Variants in CENPC observed in about 807,000 individuals in gnomAD.
The protein encoded by CENPC is CENP-C 1.
In CENPC, 63 loss-of-function variants were observed where a neutral mutation model predicts 112.1. That is an observed-to-expected ratio of 0.56 (90% CI 0.46 to 0.69). The LOEUF (loss-of-function observed/expected upper bound fraction) is 0.69, where lower values mean the gene tolerates loss of function less well. CENPC is among the 30% of genes least tolerant of loss of function. The pLI, the probability that CENPC is intolerant of heterozygous loss-of-function variation, is 0.00. For missense variants in CENPC, 1,000 were observed against 1,103.8 expected (o/e 0.91, Z 1.33); for synonymous variants, 333 against 367.6 (o/e 0.91, Z 1.08).
At position 67,508,820 on chromosome 4, in the gene CENPC, C is replaced by A. The variant is rs200998915; in HGVS notation, c.1898G>T (p.Cys633Phe). The A allele has an allele frequency of 1.2e-6, 2 of 1,612,670 alleles. No individual in the cohort carries two copies. Among genetic ancestry groups the A allele is most frequent in the Non-Finnish European group, 8.5e-7 (1 of 1,179,260 alleles). The change falls in exon 10 of 19, where the codon TGT becomes TTT. Residue 633 changes from cysteine to phenylalanine, a missense_variant. Physicochemically the swap from Cys to Phe is radical, Grantham distance 205 (BLOSUM62 -2). Transcript: ENST00000273853. ...ADLAKKKNLDCSRSTRSSKNE... is the reference protein window; with the variant it reads ...ADLAKKKNLDFSRSTRSSKNE... ...TACACATAACAGACATTACCTAGAA[C>A]AATCAAGATTTTTCTTCTTAGCCAA...
Position 67,509,038 on chromosome 4 carries a change from A to C in CENPC, c.1680T>G (p.Ser560=). ...TAGATGACTGATTTGTTTTCTTAGT[A>C]GATTTTCGGCTACTATTGTGATGCA... ...LPMHHNSSRK[S]TKKTNQSSKN... is the part of the protein sequence containing the mutation. The change falls in exon 10 of 19, where the codon TCT becomes TCG. Residue 560 remains serine, a synonymous_variant. Coordinates refer to ENST00000273853, the MANE Select transcript of CENPC (RefSeq NM_001812.4). 6.2e-7 allele frequency: 1 copy of C among 1,612,630 alleles called. No individual in the cohort carries two copies. The highest frequency in any genetic ancestry group is 8.5e-7 in the Non-Finnish European group (1 of 1,179,524).
rs1044117284 is a variant in CENPC at position 67,479,774 on chromosome 4, A to G, written c.2671-4796T>C. The stretch of plus-strand genomic sequence containing the variant: ...TTGATAGACCATTAGTGAGGTTAAC[A>G]AAGAAGACAGAAGATCCAAATAAAC... On this transcript the variant is annotated intron_variant, in intron 17 of 18. Coordinates refer to ENST00000273853, the MANE Select transcript of CENPC (RefSeq NM_001812.4). 5.9e-5 allele frequency among the ~76,000 whole-genome samples: 9 copies of G among 152,342 alleles called. No homozygotes were observed. The East Asian group carries it at 1.5e-3, about 26-fold the overall frequency.
At chr4:67,505,138 CAT>C in intron 12 of CENPC, 65 bp downstream of exon 12, 2 of 1,124,158 alleles carry the variant, frequency 1.8e-6, no homozygotes, top group Non-Finnish European at 2.6e-6. Context: ...GTAAACAAAA[CAT>C]AGCACTCCTT....
chr4:67,545,424 C>G lies in CENPC; in HGVS notation c.-69G>C. ...CCACACGGACCACAGCTCCAGGAAGCCGAGCAAGAAACGAATCGCCGGAAT... is the reference window on the plus strand; with the variant it reads ...CCACACGGACCACAGCTCCAGGAAGGCGAGCAAGAAACGAATCGCCGGAAT... On this transcript the variant is annotated 5_prime_UTR_variant, in exon 1 of 19. Transcript: ENST00000273853. 1 of 1,425,378 alleles carries G rather than the reference C, an allele frequency of 7.0e-7. No homozygotes were observed. Among genetic ancestry groups the G allele is most frequent in the Admixed American group, 2.7e-5 (1 of 36,818 alleles). 88.3% of individuals were successfully genotyped at this position (1,425,378 alleles called of 1,614,324 possible).
At chr4:67,518,499 A>C in intron 6 of CENPC, 131 bp from the exon 7 acceptor site, 1 of 1,011,182 alleles carries the variant, frequency 9.9e-7, no homozygotes, top group Non-Finnish European at 1.3e-6. Flanking sequence ...TTTAAGACAT[A>C]AATGCTGATT....
intron 17 of CENPC, among the ~76,000 whole-genome samples, chr4:67,478,927 A>G (rs181120686): frequency 2.0e-5 from 3 of 152,346 alleles, no homozygotes; most frequent in East Asian, 1.9e-4. Context: ...AGCTATTCTT[A>G]TATCAGACAA....
At chr4:67,502,533 C>G (rs1022226098) in intron 12 of CENPC, among the ~76,000 whole-genome samples, 3 of 152,116 alleles carry the variant, frequency 2.0e-5, no homozygotes, top group African/African-American at 7.2e-5. Context: ...CATATGAAGG[C>G]TTATGTGATC....
intron 17 of CENPC, among the ~76,000 whole-genome samples, chr4:67,487,744 C>T (rs6552102): frequency 0.22 from 33,082 of 150,786 alleles, 3,836 homozygotes; most frequent in South Asian, 0.27. Context: ...TTTTAATTTC[C>T]TTCTTGTCTC....
chr4:67,505,008 T>C, intron 12 of CENPC, 197 bp downstream of exon 12: 1 of 555,656 alleles, frequency 1.8e-6, no homozygotes, highest in Non-Finnish European at 3.2e-6. Flanking sequence ...TTCATTATGT[T>C]CTACTTAAAA....
chr4:67,492,774 T>C, intron 15 of CENPC, 95 bp downstream of exon 15: 1 of 1,384,408 alleles, frequency 7.2e-7, no homozygotes, highest in Non-Finnish European at 9.6e-7. Flanking sequence ...TCTGAAGTTT[T>C]TGGAAGTAAA....
At chr4:67,483,046 G>A (rs1007654476) in intron 17 of CENPC, among the ~76,000 whole-genome samples, 2 of 152,006 alleles carry the variant, frequency 1.3e-5, no homozygotes, top group Non-Finnish European at 2.9e-5. Flanking sequence ...TTTCCCCCTC[G>A]CTTGGCAATT....
chr4:67,481,011 G>A (rs368623047), intron 17 of CENPC, among the ~76,000 whole-genome samples: 13 of 152,136 alleles, frequency 8.5e-5, no homozygotes, highest in African/African-American at 2.7e-4. Flanking sequence ...AACTGTTGCT[G>A]TTTGCCAATG....
chr4:67,537,532 C>A (rs1336165178), intron 4 of CENPC, among the ~76,000 whole-genome samples: 1 of 152,058 alleles, frequency 6.6e-6, no homozygotes, highest in Non-Finnish European at 1.5e-5. Context: ...GTGGCTCACA[C>A]CTGTAATCCC....
Position 67,471,023 on chromosome 4 carries a change from A to G in CENPC, c.*1582T>C, listed in dbSNP as rs1231578500. The G allele has an allele frequency of 6.6e-6, 1 of 152,236 alleles. No homozygotes were observed. The highest frequency in any genetic ancestry group is 1.5e-5 in the Non-Finnish European group (1 of 68,074). 9.4% of individuals were successfully genotyped at this position (152,236 alleles called of 1,614,324 possible). ...AGACTCAAGAGAGCATGGCAAATGT[A>G]AAAACCAAGGGGAATTTGGGAACTG... On this transcript the variant is annotated 3_prime_UTR_variant, in exon 19 of 19. Transcript: ENST00000273853.
chr4:67,499,113 G>T (rs1725519750), intron 12 of CENPC, among the ~76,000 whole-genome samples: 1 of 152,142 alleles, frequency 6.6e-6, no homozygotes, highest in Non-Finnish European at 1.5e-5. Flanking sequence ...TGTCACCCAG[G>T]CTTTGTTGTT....
intron 5 of CENPC, among the ~76,000 whole-genome samples, chr4:67,521,959 A>G (rs1458474635): frequency 6.6e-6 from 1 of 152,204 alleles, no homozygotes; most frequent in African/African-American, 2.4e-5. Flanking sequence ...TTTAATGGGT[A>G]CAGTGTTTCA....
At chr4:67,479,350 A>C (rs1724893093) in intron 17 of CENPC, among the ~76,000 whole-genome samples, 1 of 152,198 alleles carries the variant, frequency 6.6e-6, no homozygotes. Flanking sequence ...AAATTTAAGA[A>C]AACCAAAATT....
At chr4:67,520,530 C>T (rs1726194075) in intron 5 of CENPC, among the ~76,000 whole-genome samples, 1 of 152,132 alleles carries the variant, frequency 6.6e-6, no homozygotes, top group Non-Finnish European at 1.5e-5. Flanking sequence ...TAAGGAAACC[C>T]AGGACCAGCA....
chr4:67,478,587 A>T (rs1724869179), intron 17 of CENPC, among the ~76,000 whole-genome samples: 1 of 151,872 alleles, frequency 6.6e-6, no homozygotes, highest in East Asian at 1.9e-4. Flanking sequence ...AAATATATCA[A>T]AATAGAACCT....
Sources: allele counts gnomAD v4.1 joint callset (sites outside exome capture counted in the v4.1 genomes callset), GRCh38; gene constraint gnomAD v4.1.1; transcripts MANE v1.5; gene names NCBI Gene and HGNC (gene_info 2026-07-23, HGNC 2026-07-21).